Variants in PTPN23 observed in about 807,000 individuals in gnomAD.
PTPN23 encodes tyrosine-protein phosphatase non-receptor type 23.
In PTPN23, 72 loss-of-function variants were observed where a neutral mutation model predicts 156.3. That is an observed-to-expected ratio of 0.46 (90% CI 0.38 to 0.56). PTPN23 has a LOEUF of 0.56. Among genes scored for constraint, PTPN23 ranks in the 20% least tolerant of loss-of-function variants. The pLI is 0.00. For synonymous variants in PTPN23, 957 were observed against 899.6 expected (o/e 1.06, Z -1.14); for missense variants, 1,974 against 2,171.5 (o/e 0.91, Z 1.81).
Position 47,405,153 on chromosome 3 carries a change from G to A in PTPN23, c.364+72G>A. The A allele has an allele frequency of 1.4e-6, 2 of 1,421,406 alleles. No homozygotes were observed. The highest frequency in any genetic ancestry group is 2.0e-6 in the Non-Finnish European group (2 of 1,006,568). 88.0% of individuals were successfully genotyped at this position (1,421,406 alleles called of 1,614,324 possible). ...AGCCTAGCTTTCAGCTCTTCAGATG[G>A]CCACAAAGGCAGTGGGCTGATAAAG... On this transcript the variant is annotated intron_variant, in intron 4 of 24. Transcript: ENST00000265562. The surrounding 1 kb of genome is among the most constrained non-coding windows in gnomAD (Gnocchi z 4.7).
Position 47,407,259 on chromosome 3 carries a change from T to C in PTPN23, c.865-50T>C. The C allele has an allele frequency of 2.5e-6, 4 of 1,613,534 alleles. No homozygotes were observed. Among genetic ancestry groups the C allele is most frequent in the Non-Finnish European group, 3.4e-6 (4 of 1,179,628 alleles). On this transcript the variant is annotated intron_variant, in intron 10 of 24. Coordinates refer to ENST00000265562, the MANE Select transcript of PTPN23 (RefSeq NM_015466.4). This position sits in a 1 kb window ranked among gnomAD's most constrained non-coding sequence, Gnocchi z 4.0. The stretch of plus-strand genomic sequence containing the variant: ...CGGTAGGACTGAGGGGGTGTCCTGG[T>C]GCCAGCCTTGGTTAGTGCTAAGGCC...
In PTPN23 at chr3:47,410,771, C is replaced by T; in HGVS notation, c.2973C>T (p.Leu991=). 1.3e-6 allele frequency: 2 copies of T among 1,557,844 alleles called. No individual in the cohort carries two copies. Among genetic ancestry groups the T allele is most frequent in the Non-Finnish European group, 8.7e-7 (1 of 1,145,938 alleles). ...TCTTCCCACCCCAGGCCCCAGGACT[C>T]CTACCCCCACAATCCCCCTACCCCT... is the stretch of plus-strand genomic sequence containing the variant. ...PHLFPPQAPG[L]LPPQSPYPYA... Residue 991 remains leucine, a synonymous_variant, in exon 20 of 25, where the codon CTC becomes CTT. Transcript: ENST00000265562.
rs1280012210 is a variant in PTPN23 at position 47,409,814 on chromosome 3, C to T, written c.2109C>T (p.Ala703=). 2 of 1,609,754 alleles carry T rather than the reference C, an allele frequency of 1.2e-6. No individual in the cohort carries two copies. The highest frequency in any genetic ancestry group is 2.7e-5 in the African/African-American group (2 of 74,904). Residue 703 remains alanine, a synonymous_variant, in exon 19 of 25, where the codon GCC becomes GCT. Transcript: ENST00000265562. ...CCACCTGCCAGGCCCGCGAGGCTGC[C>T]CGCCAGCAGCTCCTGGACAGGTTTG... ...TQSTCQAREA[A]RQQLLDRELK...
In PTPN23 at chr3:47,408,831, G is replaced by A. The variant is rs202118491; in HGVS notation, c.1386G>A (p.Leu462=). Residue 462 remains leucine, a synonymous_variant, in exon 16 of 25, where the codon CTG becomes CTA. Transcript: ENST00000265562. The part of the protein sequence containing the change: ...VEASLKDIRD[L]LEEDELLEQK... ...CTTCCCTGAAGGACATCAGAGATCTGTTGGAGGAGGATGAGCTGCTAGAGC... is the reference window on the plus strand; with the variant it reads ...CTTCCCTGAAGGACATCAGAGATCTATTGGAGGAGGATGAGCTGCTAGAGC... 6.2e-7 allele frequency: 1 copy of A among 1,613,564 alleles called. No individual in the cohort carries two copies. The highest frequency in any genetic ancestry group is 8.5e-7 in the Non-Finnish European group (1 of 1,179,750).
intron 1 of PTPN23, among the ~76,000 whole-genome samples, chr3:47,386,113 T>A (rs1346742725): frequency 1.3e-5 from 2 of 152,122 alleles, no homozygotes; most frequent in African/African-American, 4.8e-5. Flanking sequence ...GAATTCAGAC[T>A]GTCTTGCTGT....
In PTPN23 at chr3:47,405,708, G is replaced by T. The variant is rs1348337193; in HGVS notation, c.365-41G>T. On this transcript the variant is annotated intron_variant, in intron 4 of 24. Transcript: ENST00000265562. The surrounding 1 kb of genome is among the most constrained non-coding windows in gnomAD (Gnocchi z 4.7). ...CTCTGTCTCACCTTCACATGGGTGT[G>T]AGCAGCCCCAGGCCCCTAACACTGT... is the stretch of plus-strand genomic sequence containing the variant. The T allele has an allele frequency of 1.3e-6, 2 of 1,578,678 alleles. No individual in the cohort carries two copies. The highest frequency in any genetic ancestry group is 2.3e-5 in the South Asian group (2 of 87,128).
chr3:47,410,663 C>T lies in PTPN23; in HGVS notation c.2865C>T (p.Pro955=), dbSNP rs1408272313. 1.2e-6 allele frequency: 2 copies of T among 1,611,214 alleles called. No homozygotes were observed. The highest frequency in any genetic ancestry group is 1.7e-6 in the Non-Finnish European group (2 of 1,179,016). The change falls in exon 20 of 25, where the codon CCC becomes CCT. Residue 955 remains proline, a synonymous_variant. Transcript: ENST00000265562. The stretch of plus-strand genomic sequence containing the variant: ...CAGCCCCAAGGATTGGGCCCCAGCC[C>T]CAGCCCCATCCTCAGCCCCATCCTT... ...GFPAPRIGPQ[P]QPHPQPHPSQ...
Position 47,405,678 on chromosome 3 carries a change from GC to G in PTPN23, c.365-66del. The G allele has an allele frequency of 6.8e-7, 1 of 1,468,278 alleles. No homozygotes were observed. 91.0% of individuals were successfully genotyped at this position (1,468,278 alleles called of 1,614,324 possible). On this transcript the variant is annotated intron_variant, in intron 4 of 24. Transcript: ENST00000265562. This position sits in a 1 kb window ranked among gnomAD's most constrained non-coding sequence, Gnocchi z 4.7. ...TGTCCTGATTGTGGATAACAGCAGT[GC>G]CCCCTCTGTCTCACCTTCACATGGG...
chr3:47,396,619 T>G (rs1382788483), intron 2 of PTPN23, among the ~76,000 whole-genome samples: 1 of 151,788 alleles, frequency 6.6e-6, no homozygotes, highest in African/African-American at 2.4e-5. Flanking sequence ...TAGCTTTTGA[T>G]GTAAAGTGAA....
chr3:47,390,171 GC>G (rs569192348), intron 1 of PTPN23, among the ~76,000 whole-genome samples: 5 of 151,974 alleles, frequency 3.3e-5, no homozygotes, highest in African/African-American at 1.2e-4. Context: ...GGAGTTTGAA[GC>G]TTCATTGAGC....
intron 1 of PTPN23, among the ~76,000 whole-genome samples, chr3:47,390,658 T>C (rs1300943306): frequency 6.6e-6 from 1 of 152,204 alleles, no homozygotes; most frequent in Non-Finnish European, 1.5e-5. Flanking sequence ...AGCCTCTTTC[T>C]TCTTTTTTAG....
chr3:47,410,698 T>G lies in PTPN23; in HGVS notation c.2900T>G (p.Phe967Cys). The G allele has an allele frequency of 3.7e-6, 6 of 1,603,538 alleles. No homozygotes were observed. Among genetic ancestry groups the G allele is most frequent in the Non-Finnish European group, 5.1e-6 (6 of 1,175,644 alleles). ...CCTCAGCCCCATCCTTCACAAGCGT[T>G]TGGGCCTCAGCCCCCACAGCAGCCC... ...PHPQPHPSQA[F>C]GPQPPQQPLP... The change falls in exon 20 of 25, where the codon TTT (phenylalanine) becomes TGT (cysteine). Residue 967 changes from phenylalanine to cysteine, a missense_variant. Physicochemically the swap from Phe to Cys is radical, Grantham distance 205. Around this residue, in one of 4 missense-constraint regions of PTPN23, gnomAD observed 731 missense variants for 669.1 expected, o/e 1.09. Coordinates refer to ENST00000265562, the MANE Select transcript of PTPN23 (RefSeq NM_015466.4).
Position 47,405,188 on chromosome 3 carries a change from C to A in PTPN23, c.364+107C>A. On this transcript the variant is annotated intron_variant, in intron 4 of 24. Transcript: ENST00000265562. This position sits in a 1 kb window ranked among gnomAD's most constrained non-coding sequence, Gnocchi z 4.7. ...CAGTGGGCTGATAAAGGGAGGACTC[C>A]AGGATTCCCGCCCCTCCACTGACCT... 9.6e-7 allele frequency: 1 copy of A among 1,041,730 alleles called. No homozygotes were observed. Among genetic ancestry groups the A allele is most frequent in the South Asian group, 1.3e-5 (1 of 74,688 alleles). 64.5% of individuals were successfully genotyped at this position (1,041,730 alleles called of 1,614,324 possible). A position where few individuals can be genotyped will look rare whatever the true frequency, so the allele number is the denominator to read the frequency against.
intron 2 of PTPN23, 114 bp from the exon 3 acceptor site, chr3:47,404,538 G>A: frequency 4.3e-6 from 6 of 1,401,134 alleles, no homozygotes; most frequent in Non-Finnish European, 5.0e-6. Flanking sequence ...GGGATCCCTT[G>A]GTGTGTGCAG....
At chr3:47,392,905 C>T (rs951812255) in intron 1 of PTPN23, among the ~76,000 whole-genome samples, 2 of 152,082 alleles carry the variant, frequency 1.3e-5, no homozygotes, top group African/African-American at 4.8e-5. Context: ...CTCTTTGTTG[C>T]CCAGGCTGGA....
intron 1 of PTPN23, among the ~76,000 whole-genome samples, chr3:47,390,017 A>C (rs1158606328): frequency 6.7e-6 from 1 of 149,716 alleles, no homozygotes; most frequent in Middle Eastern, 3.4e-3. Context: ...AGGTTGCAGT[A>C]AGCCGAGATG....
At position 47,402,090 on chromosome 3, in the gene PTPN23, C is replaced by T. The variant is rs997675289; in HGVS notation, c.160-2562C>T. On this transcript the variant is annotated intron_variant, in intron 2 of 24. Coordinates refer to ENST00000265562, the MANE Select transcript of PTPN23 (RefSeq NM_015466.4). ...AGCCATCCCCCTCACTGTGCACCTG[C>T]TCCTTGGAGGGTGTATTGTTTGCTT... Among the ~76,000 whole-genome samples the T allele has an allele frequency of 3.9e-5, 6 of 152,162 alleles. No homozygotes were observed. The East Asian group carries it at 1.2e-3, about 29-fold the overall frequency.
rs1202125982 is a variant in PTPN23, at chr3:47,412,430, C to A, written c.4317+9C>A. 6 of 1,612,676 alleles carry A rather than the reference C, an allele frequency of 3.7e-6. No individual in the cohort carries two copies. ...ACATGCTGCAGGAGAAGGTGAGGAT[C>A]TGGGCAGATGGGGCTGGGATGGGCC... On this transcript the variant is annotated intron_variant, in intron 23 of 24. Coordinates refer to ENST00000265562, the MANE Select transcript of PTPN23 (RefSeq NM_015466.4).
At chr3:47,408,312 C>T (rs760168628) in intron 14 of PTPN23, 33 bp from the exon 15 acceptor site, 4 of 1,605,150 alleles carry the variant, frequency 2.5e-6, no homozygotes, top group Non-Finnish European at 2.6e-6. Flanking sequence ...GGATCAGCAC[C>T]CAGCACCCAC....
Sources: gnomAD v4.1 joint callset for allele counts (sites outside exome capture counted in the v4.1 genomes callset) on GRCh38, gnomAD v4.1.1 for gene constraint, gnomAD v4.1.1 regional missense constraint, Gnocchi (gnomAD v3.1) non-coding constraint, MANE v1.5 for transcripts, NCBI Gene and HGNC (gene_info 2026-07-23, HGNC 2026-07-21) for gene names.